Variants in RANBP2 observed in about 807,000 individuals in gnomAD.
RANBP2 encodes E3 SUMO-protein ligase RanBP2.
Under a neutral mutation model 303.6 loss-of-function variants are expected in RANBP2, and 57 were observed. The ratio of observed to expected loss-of-function variants is 0.19; its 90% CI spans 0.15 to 0.23. The LOEUF is 0.23. Among genes scored for constraint, RANBP2 ranks in the 10% least tolerant of loss-of-function variants. The pLI is 1.00. For missense variants in RANBP2, 3,138 were observed against 3,780.8 expected, an observed-to-expected ratio of 0.83 and a Z score of 4.46; for synonymous variants, 1,167 against 1,301.5, an observed-to-expected ratio of 0.90 and a Z score of 2.23.
chr2:109,545,545 T>C, the RANBP2 span: 1 of 1,535,638 alleles, frequency 6.5e-7, no homozygotes. Flanking sequence ...CTGGTTCCCT[T>C]ATTAAAATAA....
the RANBP2 span, among the ~76,000 whole-genome samples, chr2:108,942,333 A>G: frequency 6.6e-6 from 1 of 152,186 alleles, no homozygotes. Context: ...ACACTTCTAC[A>G]CAGCTTTGGG....
chr2:109,578,447 A>C, the RANBP2 span, among the ~76,000 whole-genome samples: 1 of 152,212 alleles, frequency 6.6e-6, no homozygotes, highest in African/African-American at 2.4e-5. Flanking sequence ...TTCAGGATAA[A>C]ATAAAAATGG....
the RANBP2 span, among the ~76,000 whole-genome samples, chr2:109,259,691 G>A: frequency 2.6e-5 from 4 of 152,212 alleles, no homozygotes; most frequent in South Asian, 8.3e-4. Flanking sequence ...CACGGCCTAC[G>A]GAAGAAGAAT....
the RANBP2 span, among the ~76,000 whole-genome samples, chr2:108,831,326 A>G: frequency 6.6e-6 from 1 of 152,218 alleles, no homozygotes; most frequent in African/African-American, 2.4e-5. Flanking sequence ...ACAGTTCCCT[A>G]CTACTGCCAC....
chr2:109,584,673 C>G, the RANBP2 span, among the ~76,000 whole-genome samples: 1 of 151,932 alleles, frequency 6.6e-6, no homozygotes, highest in African/African-American at 2.4e-5. Context: ...TAAAATTTCA[C>G]TATCAAAACT....
At chr2:109,201,617 C>T in the RANBP2 span, among the ~76,000 whole-genome samples, 9 of 152,226 alleles carry the variant, frequency 5.9e-5, no homozygotes, top group Non-Finnish European at 1.2e-4. Context: ...CCGGGCCTCT[C>T]ACAGCATGGC....
chr2:109,506,835 G>T, the RANBP2 span, among the ~76,000 whole-genome samples: 1 of 152,178 alleles, frequency 6.6e-6, no homozygotes, highest in Non-Finnish European at 1.5e-5. Context: ...AATGAGGTGG[G>T]ACTGCTATCA....
the RANBP2 span, among the ~76,000 whole-genome samples, chr2:109,458,777 C>T: frequency 6.6e-6 from 1 of 152,176 alleles, no homozygotes; most frequent in Admixed American, 6.5e-5. Flanking sequence ...TGGGCGAGGC[C>T]CACCCACATT....
chr2:109,459,241 C>G, the RANBP2 span, among the ~76,000 whole-genome samples: 1 of 152,152 alleles, frequency 6.6e-6, no homozygotes, highest in East Asian at 1.9e-4. Context: ...TATACACATT[C>G]ACACAGACAT....
At chr2:109,503,006 T>C in the RANBP2 span, 1 of 152,242 alleles carries the variant, frequency 6.6e-6, no homozygotes, top group African/African-American at 2.4e-5. Context: ...ATCGGGGAGT[T>C]GGGAGGGCGA....
the RANBP2 span, among the ~76,000 whole-genome samples, chr2:109,244,389 A>G: frequency 6.6e-6 from 1 of 152,240 alleles, no homozygotes; most frequent in Non-Finnish European, 1.5e-5. Context: ...GTATTATGAA[A>G]GTAAATACTA....
chr2:109,317,530 C>T, the RANBP2 span, among the ~76,000 whole-genome samples: 1 of 152,202 alleles, frequency 6.6e-6, no homozygotes, highest in Admixed American at 6.5e-5. Context: ...GGACTTGGTT[C>T]TAGGTCTCGT....
chr2:109,147,357 T>A, the RANBP2 span, among the ~76,000 whole-genome samples: 1 of 152,218 alleles, frequency 6.6e-6, no homozygotes, highest in East Asian at 1.9e-4. Flanking sequence ...ATCTCTGCGC[T>A]GATAAGCACC....
At chr2:109,548,868 ACT>A in the RANBP2 span, among the ~76,000 whole-genome samples, 1 of 151,802 alleles carries the variant, frequency 6.6e-6, no homozygotes, top group African/African-American at 2.4e-5. Flanking sequence ...AGAGAGCTAA[ACT>A]CTGGTCTAAT....
At chr2:108,846,927 C>G in the RANBP2 span, 2 of 1,558,356 alleles carry the variant, frequency 1.3e-6, no homozygotes, top group African/African-American at 1.4e-5. Context: ...AACAGTCACT[C>G]AAGGTAAGCT....
chr2:109,664,614 A>C, the RANBP2 span, among the ~76,000 whole-genome samples: 63 of 151,638 alleles, frequency 4.2e-4, no homozygotes, highest in African/African-American at 1.4e-3. Context: ...AAAATAAGTA[A>C]ATAAATAAAT....
chr2:109,085,324 G>T, the RANBP2 span, among the ~76,000 whole-genome samples: 1 of 152,116 alleles, frequency 6.6e-6, no homozygotes, highest in Admixed American at 6.6e-5. Context: ...ATTTTTTTTA[G>T]ATAGAGTCTT....
At chr2:109,234,100 G>A in the RANBP2 span, among the ~76,000 whole-genome samples, 3 of 152,282 alleles carry the variant, frequency 2.0e-5, no homozygotes, top group East Asian at 5.8e-4. Context: ...ATCATAAGGT[G>A]AATGTGTGTT....
In RANBP2 at chr2:108,782,112, T is replaced by C; in HGVS notation, c.8761-16T>C. 6.2e-7 allele frequency: 1 copy of C among 1,613,118 alleles called. No homozygotes were observed. The highest frequency in any genetic ancestry group is 8.5e-7 in the Non-Finnish European group (1 of 1,179,696). On this transcript the variant is annotated splice_polypyrimidine_tract_variant and intron_variant, in intron 26 of 28. Coordinates refer to ENST00000283195, the MANE Select transcript of RANBP2 (RefSeq NM_006267.5). ...TATAAGCAGCAGCTTATAGAGAATTTCATCTCCTATTATAGGTAGAAGTAA... is the reference window on the plus strand; with the variant it reads ...TATAAGCAGCAGCTTATAGAGAATTCCATCTCCTATTATAGGTAGAAGTAA...
Sources: gnomAD v4.1 joint callset for allele counts (sites outside exome capture counted in the v4.1 genomes callset) on GRCh38, gnomAD v4.1.1 for gene constraint, MANE v1.5 for transcripts, NCBI Gene and HGNC (gene_info 2026-07-23, HGNC 2026-07-21) for gene names.